The following CHD1L variants were observed in gnomAD, a reference collection of about 807,000 sequenced individuals.
The protein encoded by CHD1L is chromodomain helicase DNA binding protein 1 like.
Under a neutral mutation model 115.9 loss-of-function variants are expected in CHD1L, and 118 were observed. The observed-to-expected ratio is 1.02, with a 90% CI of 0.88 to 1.19. CHD1L has a LOEUF of 1.19. CHD1L is among the 50% of genes most tolerant of loss of function. The pLI, the probability that CHD1L is intolerant of heterozygous loss-of-function variation, is 0.00. For missense variants in CHD1L, 1,179 were observed against 1,065.3 expected, an observed-to-expected ratio of 1.11 and a Z score of -1.49; for synonymous variants, 411 against 387.1, an observed-to-expected ratio of 1.06 and a Z score of -0.72.
chr1:147,262,195 C>CAA (rs11346769), intron 6 of CHD1L, among the ~76,000 whole-genome samples: 32,588 of 125,636 alleles, frequency 0.26, 4,546 homozygotes, highest in Non-Finnish European at 0.29. Flanking sequence ...GACTCTGTCT[C>CAA]AAAAAAAAAA....
intron 10 of CHD1L, among the ~76,000 whole-genome samples, chr1:147,269,770 G>A (rs1431901561): frequency 6.6e-6 from 1 of 151,978 alleles, no homozygotes; most frequent in Non-Finnish European, 1.5e-5. Flanking sequence ...TCTTTCTAGA[G>A]GAGTCTAGGA....
intron 21 of CHD1L, 106 bp downstream of exon 21, chr1:147,293,828 G>A (rs1047861122): frequency 1.2e-4 from 108 of 873,092 alleles, no homozygotes; most frequent in Non-Finnish European, 1.7e-4. Context: ...TAATATGCAC[G>A]GTAAAGGCAA....
At chr1:147,175,848 A>C in the CHD1L span, 2 of 151,278 alleles carry the variant, frequency 1.3e-5, no homozygotes, top group Non-Finnish European at 2.9e-5. Context: ...ATGAATCTCA[A>C]ATGCATTATG....
intron 15 of CHD1L, among the ~76,000 whole-genome samples, chr1:147,283,101 A>T (rs587733014): frequency 2.6e-4 from 40 of 152,334 alleles, no homozygotes; most frequent in African/African-American, 9.4e-4. Flanking sequence ...ACATTTTTTT[A>T]AAAAGCATGG....
intron 18 of CHD1L, 58 bp from the exon 19 acceptor site, chr1:147,287,577 T>G: frequency 2.3e-6 from 3 of 1,280,490 alleles, no homozygotes; most frequent in Non-Finnish European, 3.3e-6. Flanking sequence ...TTTGTTTTTC[T>G]AAATTGTGCA....
chr1:147,243,840 AATTT>A (rs1335109258), intron 1 of CHD1L, among the ~76,000 whole-genome samples: 5 of 152,242 alleles, frequency 3.3e-5, no homozygotes, highest in Admixed American at 6.5e-5. Context: ...AGTATAAACT[AATTT>A]ATTTAAGTGC....
chr1:147,251,903 T>G (rs1668531609), intron 1 of CHD1L, among the ~76,000 whole-genome samples: 1 of 152,196 alleles, frequency 6.6e-6, no homozygotes, highest in African/African-American at 2.4e-5. Flanking sequence ...TTTTGTACAA[T>G]TATGTATTTT....
At chr1:147,255,791 C>T (rs1669913028) in intron 3 of CHD1L, 22 bp from the exon 4 acceptor site, 3 of 1,532,072 alleles carry the variant, frequency 2.0e-6, no homozygotes, top group African/African-American at 2.8e-5. Flanking sequence ...TTATGTTTAT[C>T]TACTTCTTTT....
the CHD1L span, among the ~76,000 whole-genome samples, chr1:147,177,019 G>A: frequency 2.0e-5 from 3 of 151,530 alleles, no homozygotes; most frequent in South Asian, 2.1e-4. Context: ...TCTGTCCTCC[G>A]AAGGCCTAGA....
the CHD1L span, among the ~76,000 whole-genome samples, chr1:147,233,661 A>G: frequency 6.6e-6 from 1 of 152,288 alleles, no homozygotes; most frequent in African/African-American, 2.4e-5. Flanking sequence ...AAGGGGGGAA[A>G]GGTGGGGAAA....
the CHD1L span, among the ~76,000 whole-genome samples, chr1:147,219,715 C>A: frequency 6.7e-6 from 1 of 149,288 alleles, no homozygotes; most frequent in African/African-American, 2.5e-5. Context: ...ATGACCTGAC[C>A]GTCTATGTAG....
the CHD1L span, chr1:147,223,999 C>G: frequency 6.9e-5 from 29 of 420,966 alleles, no homozygotes; most frequent in Admixed American, 4.7e-4. Flanking sequence ...TGGTGGAGAA[C>G]AAGAAGACTC....
At chr1:147,290,282 G>A (rs1419962702) in intron 19 of CHD1L, among the ~76,000 whole-genome samples, 1 of 151,948 alleles carries the variant, frequency 6.6e-6, no homozygotes, top group Non-Finnish European at 1.5e-5. Flanking sequence ...ACAGGGTTTT[G>A]CCATGTTGCC....
At chr1:147,252,071 C>T (rs937852030) in intron 1 of CHD1L, among the ~76,000 whole-genome samples, 3 of 152,048 alleles carry the variant, frequency 2.0e-5, no homozygotes, top group African/African-American at 7.2e-5. Context: ...GAGTAAGTTC[C>T]GTATTAATTT....
upstream of CHD1L, among the ~76,000 whole-genome samples, chr1:147,239,367 C>T (rs1664698078): frequency 1.3e-5 from 2 of 152,166 alleles, no homozygotes; most frequent in South Asian, 4.1e-4. Flanking sequence ...GTGCCCAGCA[C>T]TGTTTGTACA....
At position 147,242,813 on chromosome 1, in the gene CHD1L, G is replaced by C. The variant is rs1665145713; in HGVS notation, c.110G>C (p.Arg37Pro). 3.1e-6 allele frequency: 4 copies of C among 1,277,486 alleles called. No individual in the cohort carries two copies. The highest frequency in any genetic ancestry group is 4.0e-6 in the Non-Finnish European group (4 of 1,005,076). 79.1% of individuals were successfully genotyped at this position (1,277,486 alleles called of 1,614,324 possible). The part of the protein sequence containing the change: ...EAARVQEQDL[R>P]QWGLTGIHLR... ...GCGCGGGTGCAGGAGCAGGACTTAC[G>C]GCAGTGGGGGCTGACAGGTGAGCGG... Residue 37 changes from arginine to proline, a missense_variant, in exon 1 of 23, where the codon CGG (arginine) becomes CCG (proline). Physicochemically the swap from Arg to Pro is moderately radical, Grantham distance 103. Coordinates refer to ENST00000369258, the MANE Select transcript of CHD1L (RefSeq NM_004284.6).
At chr1:147,287,576 C>A in intron 18 of CHD1L, 59 bp from the exon 19 acceptor site, 1 of 1,266,570 alleles carries the variant, frequency 7.9e-7, no homozygotes, top group South Asian at 1.3e-5. Flanking sequence ...CTTTGTTTTT[C>A]TAAATTGTGC....
the CHD1L span, among the ~76,000 whole-genome samples, chr1:147,235,175 A>C: frequency 1.3e-5 from 2 of 151,604 alleles, no homozygotes; most frequent in Admixed American, 1.3e-4. Flanking sequence ...TGGGCCACAC[A>C]TATGGGGAAA....
chr1:147,234,258 G>C, the CHD1L span, among the ~76,000 whole-genome samples: 2 of 152,148 alleles, frequency 1.3e-5, no homozygotes, highest in African/African-American at 2.4e-5. Flanking sequence ...ATGGCCCCCT[G>C]CTCCCACTTT....
Sources: allele counts gnomAD v4.1 joint callset (sites outside exome capture counted in the v4.1 genomes callset), GRCh38; gene constraint gnomAD v4.1.1; transcripts MANE v1.5; gene names NCBI Gene and HGNC (gene_info 2026-07-23, HGNC 2026-07-21).